Variants in DYM observed in about 807,000 individuals in gnomAD.
The protein encoded by DYM is dymeclin.
DYM carries 78 observed loss-of-function variants against 93.1 expected under a neutral mutation model. The ratio of observed to expected loss-of-function variants is 0.84; its 90% CI spans 0.70 to 1.01. DYM has a LOEUF of 1.01. Ranked by LOEUF, DYM falls within the 50% of genes least tolerant of loss-of-function variation. The pLI is 0.00. For synonymous variants in DYM, 321 were observed against 319.7 expected, an observed-to-expected ratio of 1.00 and a Z score of -0.04; for missense variants, 789 against 845.0, an observed-to-expected ratio of 0.93 and a Z score of 0.82.
chr18:49,299,369 T>G (rs963076694), intron 8 of DYM, among the ~76,000 whole-genome samples: 2 of 152,232 alleles, frequency 1.3e-5, no homozygotes, highest in African/African-American at 4.8e-5. Context: ...GGCAGTGGCA[T>G]GGATGTGGCT....
At position 49,441,062 on chromosome 18, in the gene DYM, TATTA is replaced by T. The variant is rs2081427081; in HGVS notation, c.-53-10619_-53-10616del. Among the ~76,000 whole-genome samples the T allele has an allele frequency of 1.1e-3, 10 of 8,716 alleles. 2 individuals are homozygous for T. Among genetic ancestry groups the T allele is most frequent in the Non-Finnish European group, 2.3e-3 (10 of 4,318 alleles). 5.7% of individuals were successfully genotyped at this position (8,716 alleles called of 152,430 possible). A position where few individuals can be genotyped will look rare whatever the true frequency, so the allele number is the denominator to read the frequency against. On this transcript the variant is annotated intron_variant, in intron 1 of 17. Coordinates refer to ENST00000675505, the MANE Select transcript of DYM (RefSeq NM_001353214.3). ...TATAAATATATAATATATTTATATA[TATTA>T]TATATAAATATTATATTATATATTA...
intron 10 of DYM, among the ~76,000 whole-genome samples, chr18:49,276,485 CTG>C (rs1023751385): frequency 7.2e-5 from 11 of 151,896 alleles, no homozygotes; most frequent in African/African-American, 2.7e-4. Context: ...ACTATCTAAA[CTG>C]AGATCTGAAA....
intron 13 of DYM, among the ~76,000 whole-genome samples, chr18:49,231,070 A>G (rs2093679645): frequency 6.6e-6 from 1 of 152,252 alleles, no homozygotes; most frequent in South Asian, 2.1e-4. Context: ...TAGATATATT[A>G]GCTTAGACTA....
chr18:49,160,933 G>T (rs1194186714), intron 15 of DYM, among the ~76,000 whole-genome samples: 2 of 152,030 alleles, frequency 1.3e-5, no homozygotes, highest in Non-Finnish European at 2.9e-5. Context: ...CACCTTTCAG[G>T]TCTCTATCAG....
intron 13 of DYM, among the ~76,000 whole-genome samples, chr18:49,221,328 C>A (rs956408793): frequency 7.2e-5 from 11 of 152,050 alleles, no homozygotes; most frequent in African/African-American, 1.4e-4. Flanking sequence ...CTAGTTCAAC[C>A]ATTGTGGAAG....
chr18:49,277,202 G>A (rs537479995), intron 10 of DYM, among the ~76,000 whole-genome samples: 3 of 152,126 alleles, frequency 2.0e-5, no homozygotes, highest in Non-Finnish European at 2.9e-5. Flanking sequence ...CAGGTAATCA[G>A]GACTGCAAAT....
intron 5 of DYM, among the ~76,000 whole-genome samples, chr18:49,369,009 T>A (rs147599895): frequency 6.6e-6 from 1 of 152,264 alleles, no homozygotes; most frequent in Non-Finnish European, 1.5e-5. Flanking sequence ...CAATGCTGAC[T>A]GAAAGCGCGG....
At chr18:49,340,416 T>G (rs956264124) in intron 6 of DYM, among the ~76,000 whole-genome samples, 10 of 152,178 alleles carry the variant, frequency 6.6e-5, no homozygotes, top group African/African-American at 2.4e-4. Context: ...CGAATAACAT[T>G]TTGTACCTGA....
chr18:49,392,681 T>TAAAAAA (rs869086187), intron 2 of DYM, among the ~76,000 whole-genome samples: 1,281 of 68,460 alleles, frequency 0.019, 69 homozygotes, highest in African/African-American at 0.03. Flanking sequence ...GGCTTTTATT[T>TAAAAAA]AAAAAAAAAA....
At chr18:49,111,194 T>C (rs698610) in intron 16 of DYM, among the ~76,000 whole-genome samples, 94,133 of 151,854 alleles carry the variant, frequency 0.62, 31,774 homozygotes, top group Non-Finnish European at 0.75. Flanking sequence ...TATTCTTCTT[T>C]TTTTTTTTTA....
At chr18:49,111,755 CAG>C (rs1220366594) in intron 16 of DYM, among the ~76,000 whole-genome samples, 2 of 152,176 alleles carry the variant, frequency 1.3e-5, no homozygotes, top group African/African-American at 4.8e-5. Flanking sequence ...TTCCCAGCAG[CAG>C]ATGCTGCTGC....
At chr18:49,202,252 C>T (rs893167534) in intron 14 of DYM, among the ~76,000 whole-genome samples, 4 of 152,228 alleles carry the variant, frequency 2.6e-5, no homozygotes, top group South Asian at 2.1e-4. Context: ...GAGCCATTCG[C>T]GACCTTTTGG....
At chr18:49,456,732 T>C (rs907326202) in intron 1 of DYM, among the ~76,000 whole-genome samples, 1 of 152,154 alleles carries the variant, frequency 6.6e-6, no homozygotes, top group African/African-American at 2.4e-5. Flanking sequence ...ACTAGTTCAT[T>C]TTGTCTAGAA....
chr18:49,225,222 GCA>G (rs907499476), intron 13 of DYM, among the ~76,000 whole-genome samples: 1 of 152,060 alleles, frequency 6.6e-6, no homozygotes, highest in Non-Finnish European at 1.5e-5. Flanking sequence ...TAGCATGCGT[GCA>G]CACACACAAT....
At chr18:49,118,578 AAC>A in intron 16 of DYM, 164 bp downstream of exon 16, 8 of 676,406 alleles carry the variant, frequency 1.2e-5, no homozygotes, top group Middle Eastern at 4.0e-4. Context: ...GTGTATATAC[AAC>A]ACACACACAG....
intron 15 of DYM, among the ~76,000 whole-genome samples, chr18:49,122,032 G>T (rs1422225813): frequency 1.3e-5 from 2 of 152,154 alleles, no homozygotes; most frequent in Non-Finnish European, 2.9e-5. Context: ...AGTAAAAATA[G>T]TAGAGATGTA....
chr18:49,102,673 T>C (rs1381787040), intron 16 of DYM, among the ~76,000 whole-genome samples: 2 of 152,136 alleles, frequency 1.3e-5, no homozygotes, highest in African/African-American at 4.8e-5. Flanking sequence ...TGTTTGGTTT[T>C]TTTGTCCTTG....
intron 14 of DYM, among the ~76,000 whole-genome samples, chr18:49,206,760 GA>G (rs1222255371): frequency 2.0e-5 from 3 of 151,960 alleles, no homozygotes; most frequent in Non-Finnish European, 2.9e-5. Flanking sequence ...CTGTTGTTCA[GA>G]AAAAAATGGG....
At chr18:49,323,126 T>C (rs1418814643) in intron 8 of DYM, among the ~76,000 whole-genome samples, 2 of 152,210 alleles carry the variant, frequency 1.3e-5, no homozygotes, top group African/African-American at 4.8e-5. Context: ...AATCACAGAA[T>C]TGTTTTCTGA....
Sources: allele counts gnomAD v4.1 joint callset (sites outside exome capture counted in the v4.1 genomes callset), GRCh38; gene constraint gnomAD v4.1.1; transcripts MANE v1.5; gene names NCBI Gene and HGNC (gene_info 2026-07-23, HGNC 2026-07-21).